Variants in ZNF487 observed in about 807,000 individuals in gnomAD.
The protein encoded by ZNF487 is zinc finger protein 487, also known as KRAB domain only 1.
ZNF487 carries 4 observed loss-of-function variants against 3.0 expected under a neutral mutation model. The ratio of observed to expected loss-of-function variants is 1.35; its 90% CI spans 0.66 to 3.08. ZNF487 has a LOEUF of 3.08. Ranked by LOEUF, ZNF487 falls within the 30% of genes most tolerant of loss-of-function variation. The pLI is 0.01. For synonymous variants in ZNF487, 55 were observed against 34.6 expected, an observed-to-expected ratio of 1.59 and a Z score of -2.06; for missense variants, 146 against 98.7, an observed-to-expected ratio of 1.48 and a Z score of -2.03.
At chr10:43,463,362 A>G (rs1840504783) in intron 1 of ZNF487, among the ~76,000 whole-genome samples, 1 of 151,558 alleles carries the variant, frequency 6.6e-6, no homozygotes, top group Non-Finnish European at 1.5e-5. Context: ...ACATGGCGAA[A>G]CCCTGTCTCT....
At chr10:43,509,126 G>C in the ZNF487 span, among the ~76,000 whole-genome samples, 1 of 151,762 alleles carries the variant, frequency 6.6e-6, no homozygotes, top group Admixed American at 6.6e-5. Context: ...CACAGGAGGT[G>C]GAGGTTGCAG....
At chr10:43,509,458 C>CACAT in the ZNF487 span, among the ~76,000 whole-genome samples, 1 of 135,278 alleles carries the variant, frequency 7.4e-6, no homozygotes, top group Non-Finnish European at 1.5e-5. Context: ...ACTAATGGAA[C>CACAT]ATATATATAT....
chr10:43,515,659 G>A, the ZNF487 span, among the ~76,000 whole-genome samples: 1 of 152,174 alleles, frequency 6.6e-6, no homozygotes, highest in Non-Finnish European at 1.5e-5. Flanking sequence ...AAGAGCTTGT[G>A]TCTGTTTTTC....
chr10:43,469,518 A>T (rs897768023), intron 1 of ZNF487, among the ~76,000 whole-genome samples: 3 of 151,886 alleles, frequency 2.0e-5, no homozygotes, highest in Admixed American at 6.6e-5. Flanking sequence ...ATTTTTTTAA[A>T]TAAATAAGAG....
the ZNF487 span, among the ~76,000 whole-genome samples, chr10:43,511,799 T>A: frequency 2.0e-5 from 3 of 152,244 alleles, no homozygotes; most frequent in South Asian, 6.2e-4. Context: ...ATCCACTTGA[T>A]TATTAAAATC....
chr10:43,509,896 A>G, the ZNF487 span, among the ~76,000 whole-genome samples: 19 of 152,292 alleles, frequency 1.2e-4, no homozygotes, highest in African/African-American at 4.1e-4. Flanking sequence ...CCGGTTGTCA[A>G]CTTGAACCCA....
At chr10:43,475,121 A>C (rs1376745788) in intron 1 of ZNF487, among the ~76,000 whole-genome samples, 1 of 152,160 alleles carries the variant, frequency 6.6e-6, no homozygotes, top group Non-Finnish European at 1.5e-5. Context: ...GCAGAAAAGC[A>C]TCTGATGTAA....
At chr10:43,442,245 A>G (rs979354347) in intron 1 of ZNF487, among the ~76,000 whole-genome samples, 4 of 147,906 alleles carry the variant, frequency 2.7e-5, no homozygotes, top group African/African-American at 1.0e-4. Context: ...CTAAAACAAC[A>G]ACAACAACAA....
At position 43,448,543 on chromosome 10, in the gene ZNF487, C is replaced by T. The variant is rs769699252; in HGVS notation, c.-94+11281C>T. Among the ~76,000 whole-genome samples the T allele has an allele frequency of 4.2e-4, 64 of 151,710 alleles. 1 individual carries two copies. The highest frequency in any genetic ancestry group is 1.9e-4 in the Non-Finnish European group (13 of 67,962). On this transcript the variant is annotated intron_variant, in intron 1 of 3. Transcript: ENST00000437590. ...TTAAGGAGATGGGGTCGGCTGGGTG[C>T]GGTGGCTCCTGCCTGTAATCCCAGC...
chr10:43,497,419 AAAG>A, the ZNF487 span, among the ~76,000 whole-genome samples: 1 of 152,204 alleles, frequency 6.6e-6, no homozygotes, highest in Non-Finnish European at 1.5e-5. Context: ...GATTTTGAGC[AAAG>A]AAGTGACAGG....
At chr10:43,508,259 A>G in the ZNF487 span, among the ~76,000 whole-genome samples, 1 of 152,232 alleles carries the variant, frequency 6.6e-6, no homozygotes, top group South Asian at 2.1e-4. Flanking sequence ...AAAGAAATCT[A>G]TAAATATGAG....
chr10:43,476,628 T>C (rs1841110066), intron 3 of ZNF487, among the ~76,000 whole-genome samples: 1 of 152,176 alleles, frequency 6.6e-6, no homozygotes, highest in Admixed American at 6.6e-5. Flanking sequence ...GAATGAGATG[T>C]AGTGTGTGCT....
chr10:43,461,037 G>A (rs188203098), intron 1 of ZNF487, among the ~76,000 whole-genome samples: 4 of 147,032 alleles, frequency 2.7e-5, no homozygotes, highest in East Asian at 4.0e-4. Context: ...ACAGAGTTTC[G>A]CTCTCATCGC....
intron 1 of ZNF487, among the ~76,000 whole-genome samples, chr10:43,474,959 G>T (rs1435665480): frequency 6.6e-6 from 1 of 151,772 alleles, no homozygotes; most frequent in Non-Finnish European, 1.5e-5. Context: ...TTGAATACCA[G>T]GCCACCACAC....
the ZNF487 span, among the ~76,000 whole-genome samples, chr10:43,493,538 A>G: frequency 6.6e-6 from 1 of 151,562 alleles, no homozygotes; most frequent in African/African-American, 2.4e-5. Flanking sequence ...TACAAACAGT[A>G]AAAATATCCA....
chr10:43,476,124 C>T lies in ZNF487; in HGVS notation c.52C>T (p.Pro18Ser). 1.4e-6 allele frequency: 1 copy of T among 717,440 alleles called. No individual in the cohort carries two copies. The highest frequency in any genetic ancestry group is 2.6e-6 in the Non-Finnish European group (1 of 385,102). 44.4% of individuals were successfully genotyped at this position (717,440 alleles called of 1,614,324 possible). Residue 18 changes from proline (P) to serine (S), a missense_variant, in exon 3 of 4, where the codon CCA becomes TCA. Transcript: ENST00000437590. ...LLSVGYCITKPEVVCKLEHGQ... is the reference protein window; with the variant it reads ...LLSVGYCITKSEVVCKLEHGQ... ...ATTCACAGGATATTGCATTACCAAA[C>T]CAGAGGTGGTTTGCAAGTTGGAGCA...
chr10:43,442,319 G>C (rs1243546162), intron 1 of ZNF487, among the ~76,000 whole-genome samples: 1 of 151,952 alleles, frequency 6.6e-6, no homozygotes, highest in Non-Finnish European at 1.5e-5. Context: ...TAGGAAAAAT[G>C]TTCAATTTAT....
intron 1 of ZNF487, among the ~76,000 whole-genome samples, chr10:43,446,264 G>T (rs1209662719): frequency 6.6e-6 from 1 of 151,620 alleles, no homozygotes; most frequent in African/African-American, 2.4e-5. Flanking sequence ...CCAGGCAGAG[G>T]CGCCACCCAC....
At chr10:43,484,995 A>T (rs569733336), downstream of ZNF487, among the ~76,000 whole-genome samples, 1 of 152,350 alleles carries the variant, frequency 6.6e-6, no homozygotes, top group South Asian at 2.1e-4. Context: ...CAATCTGGTC[A>T]TAGAGATGTC....
Sources: allele counts gnomAD v4.1 joint callset (sites outside exome capture counted in the v4.1 genomes callset), GRCh38; gene constraint gnomAD v4.1.1; transcripts MANE v1.5; gene names NCBI Gene and HGNC (gene_info 2026-07-23, HGNC 2026-07-21).